The following RPS6KC1 variants were observed in gnomAD, a reference collection of about 807,000 sequenced individuals.
RPS6KC1 encodes ribosomal protein S6 kinase C1.
In RPS6KC1, 54 loss-of-function variants were observed where a neutral mutation model predicts 103.8. The observed-to-expected ratio is 0.52, with a 90% CI of 0.42 to 0.65. The LOEUF (loss-of-function observed/expected upper bound fraction) is 0.65, where lower values mean the gene tolerates loss of function less well. Ranked by LOEUF, RPS6KC1 falls within the 30% of genes least tolerant of loss-of-function variation. The pLI, the probability that RPS6KC1 is intolerant of heterozygous loss-of-function variation, is 0.00. For synonymous variants in RPS6KC1, 439 were observed against 438.7 expected, an observed-to-expected ratio of 1.00 and a Z score of -0.01; for missense variants, 1,151 against 1,253.8, an observed-to-expected ratio of 0.92 and a Z score of 1.24.
chr1:213,794,717 T>C, the RPS6KC1 span: 3 of 152,172 alleles, frequency 2.0e-5, no homozygotes, highest in African/African-American at 7.2e-5. Context: ...TTTCAGCACA[T>C]GGAAGACGGA....
chr1:213,569,054 C>A, the RPS6KC1 span, among the ~76,000 whole-genome samples: 3 of 152,178 alleles, frequency 2.0e-5, no homozygotes, highest in Admixed American at 2.0e-4. Context: ...CCCCAGTGTA[C>A]TTCCCACTGT....
the RPS6KC1 span, among the ~76,000 whole-genome samples, chr1:213,384,587 G>A: frequency 2.0e-5 from 3 of 152,116 alleles, no homozygotes; most frequent in African/African-American, 7.2e-5. Context: ...GGCAGGAGGG[G>A]ATGGTGATTT....
the RPS6KC1 span, among the ~76,000 whole-genome samples, chr1:213,406,408 G>A: frequency 6.6e-6 from 1 of 151,932 alleles, no homozygotes; most frequent in Non-Finnish European, 1.5e-5. Context: ...ATTGTGGTCA[G>A]ATACTTTATA....
chr1:213,759,817 T>C, the RPS6KC1 span, among the ~76,000 whole-genome samples: 2 of 152,212 alleles, frequency 1.3e-5, no homozygotes, highest in Admixed American at 1.3e-4. Flanking sequence ...AAAATGCCAG[T>C]GATCAAGGCT....
chr1:213,161,577 T>C (rs2090477012), intron 6 of RPS6KC1, among the ~76,000 whole-genome samples: 1 of 152,216 alleles, frequency 6.6e-6, no homozygotes, highest in African/African-American at 2.4e-5. Context: ...TGCTTTGGCC[T>C]CCCAAAGTGC....
At chr1:213,719,612 C>T in the RPS6KC1 span, among the ~76,000 whole-genome samples, 4 of 152,076 alleles carry the variant, frequency 2.6e-5, no homozygotes, top group Admixed American at 6.6e-5. Flanking sequence ...GTAAATGATA[C>T]GTCCAGGAAG....
the RPS6KC1 span, among the ~76,000 whole-genome samples, chr1:213,505,177 T>G: frequency 2.0e-5 from 3 of 152,126 alleles, no homozygotes; most frequent in African/African-American, 7.2e-5. Flanking sequence ...TGAATGCACC[T>G]CACTCTCTCC....
intron 6 of RPS6KC1, among the ~76,000 whole-genome samples, chr1:213,143,350 T>A (rs1458191518): frequency 3.3e-5 from 5 of 151,320 alleles, no homozygotes; most frequent in African/African-American, 4.8e-5. Flanking sequence ...TTGTTATGTA[T>A]TTTTTTTTCT....
chr1:213,697,710 A>G, the RPS6KC1 span, among the ~76,000 whole-genome samples: 1 of 152,200 alleles, frequency 6.6e-6, no homozygotes, highest in African/African-American at 2.4e-5. Context: ...CAGATGAAGT[A>G]TAGAATAAGA....
chr1:213,617,387 G>A, the RPS6KC1 span, among the ~76,000 whole-genome samples: 2 of 152,292 alleles, frequency 1.3e-5, no homozygotes, highest in African/African-American at 4.8e-5. Context: ...GCCAAGTGAG[G>A]CATTGACCTG....
At chr1:213,789,591 C>A in the RPS6KC1 span, among the ~76,000 whole-genome samples, 4 of 152,112 alleles carry the variant, frequency 2.6e-5, no homozygotes, top group Non-Finnish European at 5.9e-5. Flanking sequence ...AATTTGTTTA[C>A]AAAGTCACAC....
the RPS6KC1 span, among the ~76,000 whole-genome samples, chr1:213,444,411 G>A: frequency 6.6e-6 from 1 of 152,110 alleles, no homozygotes; most frequent in African/African-American, 2.4e-5. Context: ...CAGTTAAGCT[G>A]GTTTCTATAT....
intron 12 of RPS6KC1, 107 bp downstream of exon 12, chr1:213,242,765 G>A (rs1234019495): frequency 5.9e-6 from 5 of 848,764 alleles, no homozygotes; most frequent in Non-Finnish European, 7.4e-6. Flanking sequence ...TTACATATGT[G>A]TTGGATTTGG....
In RPS6KC1 at chr1:213,223,359, C is replaced by T. The variant is rs572291939; in HGVS notation, c.1045-7138C>T. On this transcript the variant is annotated intron_variant, in intron 8 of 14. Coordinates refer to ENST00000366960, the MANE Select transcript of RPS6KC1 (RefSeq NM_012424.6). ...AATACGTAGTATTTTATCCTTCACC[C>T]ACCTCACAACCTTCCCTCCTGAGTC... 2.0e-3 allele frequency among the ~76,000 whole-genome samples: 299 copies of T among 152,212 alleles called. 1 individual carries two copies. The highest frequency in any genetic ancestry group is 6.9e-3 in the African/African-American group (288 of 41,544).
At chr1:213,182,022 C>T (rs2092295088) in intron 8 of RPS6KC1, among the ~76,000 whole-genome samples, 1 of 151,902 alleles carries the variant, frequency 6.6e-6, no homozygotes, top group South Asian at 2.1e-4. Flanking sequence ...TAAGTTTATG[C>T]AGAGAAAATA....
the RPS6KC1 span, among the ~76,000 whole-genome samples, chr1:213,848,277 G>T: frequency 3.9e-5 from 6 of 152,084 alleles, no homozygotes; most frequent in Non-Finnish European, 7.3e-5. Context: ...CAAAATTCAT[G>T]TACACCATAT....
At chr1:213,620,923 G>A in the RPS6KC1 span, among the ~76,000 whole-genome samples, 25 of 152,174 alleles carry the variant, frequency 1.6e-4, no homozygotes, top group Non-Finnish European at 3.1e-4. Flanking sequence ...CCTCTTCCCA[G>A]CCTCCCATTG....
rs550204116 is a variant in RPS6KC1 at position 213,081,017 on chromosome 1, C to T, written c.262+3201C>T. On this transcript the variant is annotated intron_variant, in intron 3 of 14. Coordinates refer to ENST00000366960, the MANE Select transcript of RPS6KC1 (RefSeq NM_012424.6). ...TGAAGTCTCTGTTTTCCTTATACTACATCAGGGAATTGAAATCATGCCACA... is the reference window on the plus strand; with the variant it reads ...TGAAGTCTCTGTTTTCCTTATACTATATCAGGGAATTGAAATCATGCCACA... Among the ~76,000 whole-genome samples the T allele has an allele frequency of 4.6e-5, 7 of 152,332 alleles. 1 individual carries two copies. Among genetic ancestry groups the T allele is most frequent in the African/African-American group, 1.4e-4 (6 of 41,572 alleles).
the RPS6KC1 span, among the ~76,000 whole-genome samples, chr1:213,651,202 A>C: frequency 2.6e-5 from 4 of 152,118 alleles, no homozygotes; most frequent in African/African-American, 9.7e-5. Flanking sequence ...ATCTTCGACC[A>C]TCTCCACAGG....
Sources: gnomAD v4.1 joint callset for allele counts (sites outside exome capture counted in the v4.1 genomes callset) on GRCh38, gnomAD v4.1.1 for gene constraint, MANE v1.5 for transcripts, NCBI Gene and HGNC (gene_info 2026-07-23, HGNC 2026-07-21) for gene names.